The following TBC1D5 variants were observed in gnomAD, a reference collection of about 807,000 sequenced individuals.
The protein encoded by TBC1D5 is TBC1 domain family member 5.
TBC1D5 carries 75 observed loss-of-function variants against 100.3 expected under a neutral mutation model. The ratio of observed to expected loss-of-function variants is 0.75; its 90% confidence interval spans 0.62 to 0.91. The LOEUF (loss-of-function observed/expected upper bound fraction) is 0.91, where lower values mean the gene tolerates loss of function less well. Among genes scored for constraint, TBC1D5 ranks in the 40% least tolerant of loss-of-function variants. TBC1D5 has a pLI of 0.00. For synonymous variants in TBC1D5, 323 were observed against 325.6 expected, an observed-to-expected ratio of 0.99 and a Z score of 0.09; for missense variants, 910 against 942.4, an observed-to-expected ratio of 0.97 and a Z score of 0.45.
intron 1 of TBC1D5, among the ~76,000 whole-genome samples, chr3:17,642,942 T>C (rs930389443): frequency 9.2e-5 from 14 of 152,242 alleles, no homozygotes; most frequent in Middle Eastern, 3.4e-3. Flanking sequence ...GAAAACACCA[T>C]ACATAGCTAT....
At position 17,291,825 on chromosome 3, in the gene TBC1D5, T is replaced by TA. The variant is rs2081774289; in HGVS notation, c.1245+69dup. 7 of 1,380,514 alleles carry TA rather than the reference T, an allele frequency of 5.1e-6. No individual in the cohort carries two copies. The South Asian group carries it at 5.2e-5, about 10-fold the overall frequency. 85.5% of individuals were successfully genotyped at this position (1,380,514 alleles called of 1,614,324 possible). On this transcript the variant is annotated intron_variant, in intron 15 of 21. Coordinates refer to ENST00000253692, the Ensembl canonical transcript of TBC1D5. ...AGGCAAATTCCACATTTGGAATTCTTAGACTCTACACAGAGAAGCCTATTT... is the reference window on the plus strand; with the variant it reads ...AGGCAAATTCCACATTTGGAATTCTTAAGACTCTACACAGAGAAGCCTATTT...
intron 13 of TBC1D5, among the ~76,000 whole-genome samples, chr3:17,370,508 C>A (rs767251401): frequency 6.6e-6 from 1 of 152,146 alleles, no homozygotes. Flanking sequence ...TCATTAATAA[C>A]CTGCATTGCT....
At chr3:17,605,498 T>TA (rs2153603585) in intron 2 of TBC1D5, among the ~76,000 whole-genome samples, 1 of 152,320 alleles carries the variant, frequency 6.6e-6, no homozygotes, top group Non-Finnish European at 1.5e-5. Context: ...TTTCAGAACT[T>TA]AAAGTGCAAA....
chr3:17,729,355 A>AG (rs1449266652), intron 1 of TBC1D5, among the ~76,000 whole-genome samples: 2 of 87,094 alleles, frequency 2.3e-5, no homozygotes, highest in Non-Finnish European at 5.3e-5. Flanking sequence ...ATTTGAGAGA[A>AG]AAAAAAAAAA....
At chr3:17,690,712 A>G (rs573804131) in intron 1 of TBC1D5, among the ~76,000 whole-genome samples, 2 of 152,278 alleles carry the variant, frequency 1.3e-5, no homozygotes, top group South Asian at 4.1e-4. Context: ...TGAGCGATCT[A>G]GGTTGCGTGC....
chr3:17,608,507 A>T (rs2061479713), intron 2 of TBC1D5, among the ~76,000 whole-genome samples: 1 of 152,074 alleles, frequency 6.6e-6, no homozygotes, highest in African/African-American at 2.4e-5. Context: ...TAGGTTCCTG[A>T]TTTTCATTTA....
chr3:17,157,456 G>A (rs1457167180), exon 22 of TBC1D5: 3 of 152,270 alleles, frequency 2.0e-5, no homozygotes, highest in Non-Finnish European at 4.4e-5. Context: ...TGAGAAAGCA[G>A]TCTGGCCTTT....
At chr3:17,710,392 C>T (rs369578467) in intron 1 of TBC1D5, among the ~76,000 whole-genome samples, 6 of 151,814 alleles carry the variant, frequency 4.0e-5, no homozygotes, top group Non-Finnish European at 7.4e-5. Flanking sequence ...TGGTGAAACC[C>T]CATGTCTACT....
intron 3 of TBC1D5, among the ~76,000 whole-genome samples, chr3:17,482,906 C>T (rs1383662687): frequency 6.6e-6 from 1 of 152,058 alleles, no homozygotes; most frequent in Middle Eastern, 3.2e-3. Flanking sequence ...CTGCTTAATT[C>T]GCCTTATGTC....
intron 1 of TBC1D5, among the ~76,000 whole-genome samples, chr3:17,725,047 TAC>T (rs1408383085): frequency 3.3e-5 from 5 of 152,218 alleles, no homozygotes; most frequent in Non-Finnish European, 2.9e-5. Context: ...CATCAATAAA[TAC>T]AGTTGTTTTA....
intron 19 of TBC1D5, among the ~76,000 whole-genome samples, chr3:17,183,014 C>T (rs1225364226): frequency 6.6e-6 from 1 of 152,114 alleles, no homozygotes; most frequent in Non-Finnish European, 1.5e-5. Flanking sequence ...TATGTGCTTG[C>T]TTAGAAGCTC....
chr3:17,172,011 A>C lies in TBC1D5; in HGVS notation c.1853-4183T>G, dbSNP rs572778872. ...CACCACCAGCATACCCTCATCTAGC[A>C]ATTCTTTCGTCTTAATTTATGGACT... On this transcript the variant is annotated intron_variant, in intron 19 of 21. Transcript: ENST00000253692. 5.3e-5 allele frequency among the ~76,000 whole-genome samples: 8 copies of C among 152,302 alleles called. No homozygotes were observed. The South Asian group carries it at 1.7e-3, about 32-fold the overall frequency.
At chr3:17,289,678 C>T (rs909609183) in intron 15 of TBC1D5, among the ~76,000 whole-genome samples, 2 of 151,538 alleles carry the variant, frequency 1.3e-5, no homozygotes, top group Non-Finnish European at 2.9e-5. Flanking sequence ...GGATGTTCTG[C>T]TTACACAGGT....
intron 15 of TBC1D5, among the ~76,000 whole-genome samples, chr3:17,290,117 G>A (rs62245884): frequency 1.6e-3 from 243 of 152,232 alleles, no homozygotes; most frequent in Middle Eastern, 3.4e-3. Context: ...TCAGTTTAAG[G>A]TCATTGTACT....
chr3:17,323,813 T>C (rs2085737796), intron 13 of TBC1D5, among the ~76,000 whole-genome samples: 1 of 152,104 alleles, frequency 6.6e-6, no homozygotes, highest in Non-Finnish European at 1.5e-5. Flanking sequence ...TCTGGAAAAA[T>C]GAACAGGCTG....
At chr3:17,612,630 C>CA (rs941888688) in intron 2 of TBC1D5, among the ~76,000 whole-genome samples, 38 of 149,414 alleles carry the variant, frequency 2.5e-4, no homozygotes, top group South Asian at 4.2e-4. Context: ...TACTCTATCT[C>CA]AAAAAAAATA....
chr3:17,695,339 A>T (rs1212275346), intron 1 of TBC1D5, among the ~76,000 whole-genome samples: 1 of 152,206 alleles, frequency 6.6e-6, no homozygotes, highest in Non-Finnish European at 1.5e-5. Context: ...ACTGGGCTGT[A>T]TTCAGGAGAC....
At chr3:17,278,392 A>AT (rs1479374922) in intron 15 of TBC1D5, among the ~76,000 whole-genome samples, 1 of 152,200 alleles carries the variant, frequency 6.6e-6, no homozygotes, top group African/African-American at 2.4e-5. Context: ...CGATATGTGT[A>AT]TATTTATTTA....
intron 1 of TBC1D5, among the ~76,000 whole-genome samples, chr3:17,728,942 A>G (rs944683967): frequency 6.7e-6 from 1 of 149,652 alleles, no homozygotes; most frequent in African/African-American, 2.4e-5. Flanking sequence ...ATTTAAAAAC[A>G]ATGTTGGGAA....
Sources: gnomAD v4.1 joint callset for allele counts (sites outside exome capture counted in the v4.1 genomes callset) on GRCh38, gnomAD v4.1.1 for gene constraint, MANE v1.5 for transcripts, NCBI Gene and HGNC (gene_info 2026-07-23, HGNC 2026-07-21) for gene names.